Variants in KLHL30 observed in about 807,000 individuals in gnomAD.
The protein encoded by KLHL30 is kelch like family member 30, also known as kelch-like protein 30.
Under a neutral mutation model 55.0 loss-of-function variants are expected in KLHL30, and 55 were observed. The observed-to-expected ratio is 1.00, with a 90% CI of 0.80 to 1.25. The LOEUF (loss-of-function observed/expected upper bound fraction) is 1.25. Ranked by LOEUF, KLHL30 falls within the 50% of genes most tolerant of loss-of-function variation. The probability of loss-of-function intolerance (pLI) is 0.00; values close to 1 mark genes in which losing one functional copy is unlikely to be tolerated. For missense variants in KLHL30, 786 were observed against 811.6 expected (o/e 0.97, Z 0.38); for synonymous variants, 356 against 372.6 (o/e 0.96, Z 0.51).
rs755964071 is a variant in KLHL30, at chr2:238,147,463, C to T, written c.1151-371C>T. The stretch of plus-strand genomic sequence containing the variant: ...CCTACAGCTCCAGGGTCTCGCAACC[C>T]GCCCTCCCAGGGCTGGCATCCTCCA... On this transcript the variant is annotated intron_variant, in intron 5 of 7. Coordinates refer to ENST00000409223, the MANE Select transcript of KLHL30 (RefSeq NM_198582.4). The surrounding 1 kb of genome is among the most constrained non-coding windows in gnomAD (Gnocchi z 5.8). Among the ~76,000 whole-genome samples the T allele has an allele frequency of 2.0e-5, 3 of 152,136 alleles. No individual in the cohort carries two copies. The highest frequency in any genetic ancestry group is 4.4e-5 in the Non-Finnish European group (3 of 68,018).
At chr2:238,144,411 G>GC (rs1692601429) in intron 3 of KLHL30, among the ~76,000 whole-genome samples, 48 of 131,344 alleles carry the variant, frequency 3.7e-4, no homozygotes, top group African/African-American at 9.6e-4. Flanking sequence ...AGGAAGGAAG[G>GC]AAGGAAGGAA....
intron 3 of KLHL30, 122 bp from the exon 4 acceptor site, chr2:238,144,780 C>T (rs889894016): frequency 1.1e-4 from 85 of 754,612 alleles, no homozygotes; most frequent in Admixed American, 4.1e-4. Context: ...CCTCCCTTTC[C>T]CCACCAGTGA....
Position 238,141,090 on chromosome 2 carries a change from C to A in KLHL30, c.336C>A (p.Arg112=), listed in dbSNP as rs761397409. Residue 112 remains arginine (R), a synonymous_variant, in exon 2 of 8, where the codon CGC becomes CGA. Transcript: ENST00000409223. ...NVEALTRTAA[R]LHFPSVQKVC... is the part of the protein sequence containing the mutation. ...AGGCGCTGACACGCACGGCTGCGCG[C>A]CTGCACTTCCCCTCGGTGCAGAAGG... 1 of 1,608,656 alleles carries A rather than the reference C, an allele frequency of 6.2e-7. No individual in the cohort carries two copies. The highest frequency in any genetic ancestry group is 1.1e-5 in the South Asian group (1 of 90,936).
intron 4 of KLHL30, 138 bp downstream of exon 4, chr2:238,145,126 C>T (rs529811975): frequency 4.1e-6 from 3 of 734,300 alleles, no homozygotes; most frequent in South Asian, 1.6e-5. Flanking sequence ...AAAACAAGGA[C>T]ATTTAAAATC....
chr2:238,141,068 C>T lies in KLHL30; in HGVS notation c.314C>T (p.Ala105Val), dbSNP rs747198530. The T allele has an allele frequency of 5.6e-6, 9 of 1,610,394 alleles. No individual in the cohort carries two copies. The highest frequency in any genetic ancestry group is 2.2e-5 in the South Asian group (2 of 90,954). Residue 105 changes from alanine (A) to valine (V), a missense_variant, in exon 2 of 8, where the codon GCG (alanine) becomes GTG (valine). Physicochemically the swap from Ala to Val is moderately conservative, Grantham distance 64. Coordinates refer to ENST00000409223, the MANE Select transcript of KLHL30 (RefSeq NM_198582.4). ...ACCATCACGCAGGGCAACGTGGAGG[C>T]GCTGACACGCACGGCTGCGCGCCTG... The part of the protein sequence containing the change: ...RLTITQGNVE[A>V]LTRTAARLHF...
rs1692597443 is a variant in KLHL30, at chr2:238,144,396, A to AGGC, written c.908-506_908-505insGGC. Among the ~76,000 whole-genome samples, 6 of 101,636 alleles carry AGGC rather than the reference A, an allele frequency of 5.9e-5. No homozygotes were observed. The East Asian group carries it at 1.6e-3, about 26-fold the overall frequency. The allele number at this position is 101,636 out of a possible 152,430, so 66.7% of individuals were successfully genotyped here. On this transcript the variant is annotated intron_variant, in intron 3 of 7. Coordinates refer to ENST00000409223, the MANE Select transcript of KLHL30 (RefSeq NM_198582.4). ...GAAGGAAGGAAGGAAGGAAGGAAGG[A>AGGC]AGGAAGGAAGGAAGGAAGGAAGGAA... is the stretch of plus-strand genomic sequence containing the variant.
rs71043108 is a variant in KLHL30, at chr2:238,144,369, C to CGGAAGGAAAGAAGGAAGGAA, written c.908-525_908-524insAGAAGGAAGGAAGGAAGGAA. On this transcript the variant is annotated intron_variant, in intron 3 of 7. Transcript: ENST00000409223. ...CTGCCAGGAGGGCAGGGAGGGTGCT[C>CGGAAGGAAAGAAGGAAGGAA]GGAAGGAAGGAAGGAAGGAAGGAAG... 1.0e-3 allele frequency among the ~76,000 whole-genome samples: 79 copies of CGGAAGGAAAGAAGGAAGGAA among 78,890 alleles called. 3 individuals are homozygous for CGGAAGGAAAGAAGGAAGGAA. Among genetic ancestry groups the CGGAAGGAAAGAAGGAAGGAA allele is most frequent in the East Asian group, 1.9e-3 (6 of 3,102 alleles). The allele number at this position is 78,890 out of a possible 152,430, so 51.8% of individuals were successfully genotyped here. A position where few individuals can be genotyped will look rare whatever the true frequency, so the allele number is the denominator to read the frequency against.
chr2:238,139,465 C>T (rs1411084578), intron 1 of KLHL30, among the ~76,000 whole-genome samples: 1 of 152,174 alleles, frequency 6.6e-6, no homozygotes, highest in Non-Finnish European at 1.5e-5. Context: ...TGTGGGGCCC[C>T]GGCCACGTGA....
Position 238,141,287 on chromosome 2 carries a change from G to A in KLHL30, c.533G>A (p.Arg178Gln), listed in dbSNP as rs112962843. The A allele has an allele frequency of 0.037, 59,921 of 1,600,616 alleles. 1,305 individuals are homozygous for A. The highest frequency in any genetic ancestry group is 0.056 in the Admixed American group (3,338 of 59,760). Residue 178 changes from arginine to glutamine, a missense_variant, in exon 2 of 8, where the codon CGG becomes CAG. Physicochemically the swap from Arg to Gln is conservative, Grantham distance 43. Transcript: ENST00000409223. ...EDEFLQLPRE[R>Q]LVTCLAGDLL... is the part of the protein sequence containing the mutation. ...GAGTTCCTGCAGCTTCCCCGAGAGC[G>A]GCTGGTCACTTGTCTGGCCGGCGAC...
chr2:238,140,848 C>A lies in KLHL30; in HGVS notation c.94C>A (p.Leu32Met). 6.2e-7 allele frequency: 1 copy of A among 1,610,624 alleles called. No individual in the cohort carries two copies. The change falls in exon 2 of 8, where the codon CTG (leucine) becomes ATG (methionine). Residue 32 changes from leucine to methionine, a missense_variant. Transcript: ENST00000409223. ...GLQRLRSQPKLADVTLLVGGR... is the reference protein window; with the variant it reads ...GLQRLRSQPKMADVTLLVGGR... ...GCAGCGCCTGCGCTCTCAGCCCAAG[C>A]TGGCCGACGTCACACTGCTGGTGGG...
chr2:238,141,671 C>T, intron 2 of KLHL30, 143 bp downstream of exon 2: 1 of 871,978 alleles, frequency 1.1e-6, no homozygotes, highest in Admixed American at 3.4e-5. Flanking sequence ...GGCCAGTTCC[C>T]CATGAGGACA....
chr2:238,146,623 T>C (rs1692652564), intron 5 of KLHL30, among the ~76,000 whole-genome samples: 1 of 148,146 alleles, frequency 6.8e-6, no homozygotes, highest in South Asian at 2.3e-4. Context: ...TCCAGGCTGG[T>C]CTCAAACTCC....
intron 2 of KLHL30, among the ~76,000 whole-genome samples, chr2:238,142,125 C>T (rs1692553764): frequency 1.3e-5 from 2 of 152,160 alleles, no homozygotes. Flanking sequence ...CTGGGAGTGG[C>T]TGTTCGGTCA....
Position 238,151,606 on chromosome 2 carries a change from G to A in KLHL30, c.*541G>A, listed in dbSNP as rs546051026. 5.3e-4 allele frequency: 85 copies of A among 159,490 alleles called. No individual in the cohort carries two copies. Among genetic ancestry groups the A allele is most frequent in the African/African-American group, 1.4e-3 (59 of 41,686 alleles). The allele number at this position is 159,490 out of a possible 1,614,324, so 9.9% of individuals were successfully genotyped here. A position where few individuals can be genotyped will look rare whatever the true frequency, so the allele number is the denominator to read the frequency against. ...CCCCTCTCTGGGCTTCAAGCTCCGC[G>A]TCCACCACACACGGGGCTGGCTGTG... On this transcript the variant is annotated 3_prime_UTR_variant, in exon 8 of 8. Coordinates refer to ENST00000409223, the MANE Select transcript of KLHL30 (RefSeq NM_198582.4).
At chr2:238,144,432 A>AATGAAGGAAGGAAGGCAGGCAGGC (rs1692607763) in intron 3 of KLHL30, among the ~76,000 whole-genome samples, 2 of 82,380 alleles carry the variant, frequency 2.4e-5, no homozygotes, top group South Asian at 4.1e-4. Flanking sequence ...GGAAGGAAGG[A>AATGAAGGAAGGAAGGCAGGCAGGC]AGGCAGGCAG....
intron 7 of KLHL30, among the ~76,000 whole-genome samples, chr2:238,149,750 T>C (rs550573386): frequency 6.6e-6 from 1 of 152,080 alleles, no homozygotes; most frequent in Non-Finnish European, 1.5e-5. Context: ...CCTGGGGGCT[T>C]TCCTGTTGTC....
intron 1 of KLHL30, among the ~76,000 whole-genome samples, chr2:238,139,389 G>A (rs1385749382): frequency 6.6e-6 from 1 of 152,220 alleles, no homozygotes. Flanking sequence ...CTGGGGAGGG[G>A]CCAGGCAGGA....
At chr2:238,144,344 C>A (rs531233374) in intron 3 of KLHL30, among the ~76,000 whole-genome samples, 61 of 146,418 alleles carry the variant, frequency 4.2e-4, no homozygotes, top group Non-Finnish European at 6.1e-5. Context: ...ATGTGCCTGG[C>A]TGCCAGGAGG....
Position 238,141,544 on chromosome 2 carries a change from G to A in KLHL30, c.774+16G>A. 7.0e-7 allele frequency: 1 copy of A among 1,435,192 alleles called. No individual in the cohort carries two copies. The highest frequency in any genetic ancestry group is 9.1e-7 in the Non-Finnish European group (1 of 1,099,022). 88.9% of individuals were successfully genotyped at this position (1,435,192 alleles called of 1,614,324 possible). On this transcript the variant is annotated intron_variant, in intron 2 of 7. Coordinates refer to ENST00000409223, the MANE Select transcript of KLHL30 (RefSeq NM_198582.4). Reference sequence around the variant, plus strand: ...CCATGATGGGGTGAGTGAGCGGCTGGGAGGCCCCATCCCTGGGAAGCAGGG... The same window carrying A: ...CCATGATGGGGTGAGTGAGCGGCTGAGAGGCCCCATCCCTGGGAAGCAGGG...
Sources: allele counts gnomAD v4.1 joint callset (sites outside exome capture counted in the v4.1 genomes callset), GRCh38; gene constraint gnomAD v4.1.1; non-coding constraint Gnocchi (gnomAD v3.1); transcripts MANE v1.5; gene names NCBI Gene and HGNC (gene_info 2026-07-23, HGNC 2026-07-21).